SORBS2: variants seen among roughly 807,000 people sequenced by gnomAD.
The protein encoded by SORBS2 is sorbin and SH3 domain containing 2, also known as sorbin and SH3 domain-containing protein 2.
In SORBS2, 46 loss-of-function variants were observed where a neutral mutation model predicts 97.7. That is an observed-to-expected ratio of 0.47 (90% CI 0.37 to 0.60). SORBS2 has a LOEUF of 0.60. Ranked by LOEUF, SORBS2 falls within the 20% of genes least tolerant of loss-of-function variation. The pLI is 0.00. For missense variants in SORBS2, 1,316 were observed against 1,282.3 expected, an observed-to-expected ratio of 1.03 and a Z score of -0.40; for synonymous variants, 476 against 473.4, an observed-to-expected ratio of 1.01 and a Z score of -0.07.
intron 1 of SORBS2, among the ~76,000 whole-genome samples, chr4:185,815,034 A>T (rs2099192439): frequency 6.6e-6 from 1 of 152,252 alleles, no homozygotes; most frequent in Non-Finnish European, 1.5e-5. Context: ...GAGTCAAGTG[A>T]GATACCACCT....
Position 185,732,006 on chromosome 4 carries a change from TAA to T in SORBS2, c.-198+43219_-198+43220del, listed in dbSNP as rs1286982576. Among the ~76,000 whole-genome samples the T allele has an allele frequency of 2.0e-5, 3 of 150,932 alleles. No individual in the cohort carries two copies. The East Asian group carries it at 5.9e-4, about 30-fold the overall frequency. On this transcript the variant is annotated intron_variant, in intron 2 of 20. Coordinates refer to the SORBS2 transcript ENST00000284776. ...AATTATTATTGTAACTTGTGGATAATAAATTTCAAAATCTGATGTCTGTGCTC... is the reference window on the plus strand; with the variant it reads ...AATTATTATTGTAACTTGTGGATAATATTTCAAAATCTGATGTCTGTGCTC...
intron 1 of SORBS2, among the ~76,000 whole-genome samples, chr4:185,896,204 C>A (rs1301350713): frequency 6.6e-6 from 1 of 152,208 alleles, no homozygotes. Context: ...GAAATGGATT[C>A]ATGCATAAAG....
intron 4 of SORBS2, chr4:185,639,035 G>T: frequency 6.6e-7 from 1 of 1,513,854 alleles, no homozygotes; most frequent in Non-Finnish European, 8.8e-7. Flanking sequence ...GGGAGAGGGG[G>T]CTGCAAGAAA....
chr4:185,692,981 G>C (rs184291568), intron 2 of SORBS2, among the ~76,000 whole-genome samples: 1 of 152,264 alleles, frequency 6.6e-6, no homozygotes, highest in African/African-American at 2.4e-5. Context: ...TTACTATATG[G>C]TGTTTAATTT....
At position 185,924,969 on chromosome 4, in the gene SORBS2, C is replaced by T. The variant is rs1300242872; in HGVS notation, c.-338+31227G>A. On this transcript the variant is annotated intron_variant, in intron 1 of 20. Transcript: ENST00000284776. ...TCATCCGAGTCGTATCAACTTGTTCCCACCCCAAAAATCACTCTGACAAGG... is the reference window on the plus strand; with the variant it reads ...TCATCCGAGTCGTATCAACTTGTTCTCACCCCAAAAATCACTCTGACAAGG... Among the ~76,000 whole-genome samples the T allele has an allele frequency of 2.0e-5, 3 of 152,122 alleles. No individual in the cohort carries two copies. In the East Asian group the frequency reaches 5.8e-4, roughly 29 times the overall value.
At chr4:185,697,763 G>A (rs1334856351) in intron 2 of SORBS2, among the ~76,000 whole-genome samples, 1 of 152,156 alleles carries the variant, frequency 6.6e-6, no homozygotes, top group African/African-American at 2.4e-5. Flanking sequence ...TTCAATAAGG[G>A]AAAGTGCCTC....
intron 4 of SORBS2, among the ~76,000 whole-genome samples, chr4:185,674,216 A>G (rs1018081834): frequency 6.6e-6 from 1 of 152,016 alleles, no homozygotes; most frequent in Non-Finnish European, 1.5e-5. Context: ...CCCAAATGGA[A>G]CCTCTGAAGT....
At chr4:185,893,147 G>C (rs1196174152) in intron 1 of SORBS2, among the ~76,000 whole-genome samples, 8 of 152,228 alleles carry the variant, frequency 5.3e-5, no homozygotes, top group Non-Finnish European at 1.0e-4. Flanking sequence ...GTAGGGGAAG[G>C]CACTGGGGTT....
chr4:185,629,925 C>T (rs1328772667), intron 5 of SORBS2, among the ~76,000 whole-genome samples: 2 of 152,146 alleles, frequency 1.3e-5, no homozygotes, highest in Non-Finnish European at 2.9e-5. Context: ...TTCAGGCGAA[C>T]TCTGAGGGAA....
chr4:185,617,232 C>G (rs1483022795), intron 9 of SORBS2, among the ~76,000 whole-genome samples: 1 of 152,078 alleles, frequency 6.6e-6, no homozygotes, highest in Non-Finnish European at 1.5e-5. Flanking sequence ...ATGCATTGTA[C>G]AAATTGTCAC....
intron 1 of SORBS2, among the ~76,000 whole-genome samples, chr4:185,789,563 T>C (rs2099071295): frequency 6.6e-6 from 1 of 150,744 alleles, no homozygotes; most frequent in Non-Finnish European, 1.5e-5. Flanking sequence ...AAATTAAATA[T>C]AATTTCTTAT....
At chr4:185,737,567 C>T (rs1022307718) in intron 2 of SORBS2, among the ~76,000 whole-genome samples, 1 of 152,092 alleles carries the variant, frequency 6.6e-6, no homozygotes, top group Non-Finnish European at 1.5e-5. Context: ...CCTGTGAGAC[C>T]CATGAGAGCT....
chr4:185,657,042 G>T, upstream of SORBS2: 1 of 565,552 alleles, frequency 1.8e-6, no homozygotes, highest in South Asian at 6.4e-5. Flanking sequence ...TATTCGCAAT[G>T]CATGTGGGAA....
chr4:185,749,337 C>T lies in SORBS2; in HGVS notation c.-198+25890G>A, dbSNP rs115519025. ...CCTTCTCTGAGCCACCCTCTGGGAA[C>T]AGCAGAGCTGTCAGAGAAGATTTAA... On this transcript the variant is annotated intron_variant, in intron 2 of 20. Transcript: ENST00000284776. Among the ~76,000 whole-genome samples, 217 of 152,354 alleles carry T rather than the reference C, an allele frequency of 1.4e-3. 2 individuals are homozygous for T. The highest frequency in any genetic ancestry group is 5.1e-3 in the African/African-American group (212 of 41,582).
intron 1 of SORBS2, among the ~76,000 whole-genome samples, chr4:185,895,849 C>T (rs1007172887): frequency 5.4e-4 from 82 of 152,174 alleles, no homozygotes; most frequent in Non-Finnish European, 8.7e-4. Context: ...TCTGGCCAAT[C>T]CCTTCATTGT....
intron 1 of SORBS2, 101 bp from the exon 10 acceptor site, chr4:185,652,829 C>T (rs2097336650): frequency 2.3e-6 from 2 of 872,972 alleles, no homozygotes; most frequent in South Asian, 1.4e-5. Context: ...TAACAGAGTC[C>T]CATTCTGTGA....
At chr4:185,761,599 G>A (rs976795757) in intron 2 of SORBS2, 1 of 152,206 alleles carries the variant, frequency 6.6e-6, no homozygotes, top group African/African-American at 2.4e-5. Context: ...CTTATTAATT[G>A]AAGAAGAATG....
chr4:185,891,332 G>A (rs185982426), intron 1 of SORBS2, among the ~76,000 whole-genome samples: 287 of 152,170 alleles, frequency 1.9e-3, no homozygotes, highest in African/African-American at 6.1e-3. Flanking sequence ...CCTCCAAACC[G>A]CCTTTAGTCA....
chr4:185,746,763 T>C (rs1214361011), intron 2 of SORBS2, among the ~76,000 whole-genome samples: 3 of 152,236 alleles, frequency 2.0e-5, no homozygotes, highest in Admixed American at 6.5e-5. Flanking sequence ...TTAGACTCTG[T>C]AAGAATCTAC....
Sources: gnomAD v4.1 joint callset for allele counts (sites outside exome capture counted in the v4.1 genomes callset) on GRCh38, gnomAD v4.1.1 for gene constraint, MANE v1.5 for transcripts, NCBI Gene and HGNC (gene_info 2026-07-23, HGNC 2026-07-21) for gene names.